IKZF3: variants seen among roughly 807,000 people sequenced by gnomAD.
IKZF3 encodes the protein zinc finger protein Aiolos.
A neutral mutation model predicts 49.0 loss-of-function variants in IKZF3; 10 were observed. That is an observed-to-expected ratio of 0.20 (90% CI 0.13 to 0.35). IKZF3 has a LOEUF of 0.35. Ranked by LOEUF, IKZF3 falls within the 10% of genes least tolerant of loss-of-function variation. IKZF3 has a pLI of 1.00. For synonymous variants in IKZF3, 209 were observed against 228.2 expected (o/e 0.92, Z 0.76); for missense variants, 498 against 664.8 (o/e 0.75, Z 2.76).
intron 1 of IKZF3, among the ~76,000 whole-genome samples, chr17:39,856,068 GTA>G (rs2063043308): frequency 6.8e-6 from 1 of 147,866 alleles, no homozygotes; most frequent in Non-Finnish European, 1.5e-5. Context: ...AATATAACAT[GTA>G]TATTGTATAT....
At chr17:39,771,040 T>A (rs576807849) in intron 7 of IKZF3, among the ~76,000 whole-genome samples, 34 of 152,274 alleles carry the variant, frequency 2.2e-4, no homozygotes, top group African/African-American at 8.2e-4. Context: ...GCACAAACAG[T>A]TTGATTCACT....
At chr17:39,826,723 G>A (rs2061966039) in intron 3 of IKZF3, among the ~76,000 whole-genome samples, 1 of 152,200 alleles carries the variant, frequency 6.6e-6, no homozygotes, top group Admixed American at 6.5e-5. Flanking sequence ...GTATCACAGT[G>A]TGCGTGTTTG....
At chr17:39,781,002 AG>A (rs776671508) in intron 6 of IKZF3, among the ~76,000 whole-genome samples, 5 of 152,216 alleles carry the variant, frequency 3.3e-5, no homozygotes, top group Admixed American at 6.5e-5. Flanking sequence ...GAAAACAGTA[AG>A]GGTCAGAATA....
rs952358062 is a variant in IKZF3, at chr17:39,758,021, G to A, written c.*7769C>T. On this transcript the variant is annotated 3_prime_UTR_variant, in exon 8 of 8. Transcript: ENST00000346872. Reference sequence around the variant, plus strand: ...GAGCACAGGCTGTGTCAAAACCCAGGGCAAGGGCTCCCTCCCGCCTTCCCT... The same window carrying A: ...GAGCACAGGCTGTGTCAAAACCCAGAGCAAGGGCTCCCTCCCGCCTTCCCT... 7 of 152,134 alleles carry A rather than the reference G, an allele frequency of 4.6e-5. No individual in the cohort carries two copies. The highest frequency in any genetic ancestry group is 1.0e-4 in the Non-Finnish European group (7 of 68,020). The allele number at this position is 152,134 out of a possible 1,614,324, so 9.4% of individuals were successfully genotyped here.
intron 7 of IKZF3, among the ~76,000 whole-genome samples, chr17:39,771,152 A>G (rs2060430641): frequency 6.6e-6 from 1 of 152,180 alleles, no homozygotes; most frequent in Admixed American, 6.5e-5. Flanking sequence ...CCTGGCTGCT[A>G]CCTTGCCCAT....
chr17:39,776,409 TG>T (rs1305023328), intron 7 of IKZF3, among the ~76,000 whole-genome samples: 1 of 152,244 alleles, frequency 6.6e-6, no homozygotes, highest in Non-Finnish European at 1.5e-5. Context: ...ATTTGTTTAC[TG>T]TGCCTAAACT....
At chr17:39,794,168 C>T (rs1325793336) in intron 3 of IKZF3, among the ~76,000 whole-genome samples, 2 of 152,114 alleles carry the variant, frequency 1.3e-5, no homozygotes, top group African/African-American at 2.4e-5. Context: ...GGTCATTTGT[C>T]GAAGGTTACA....
chr17:39,834,678 T>C (rs1390375619), intron 1 of IKZF3, among the ~76,000 whole-genome samples: 2 of 152,216 alleles, frequency 1.3e-5, no homozygotes, highest in East Asian at 1.9e-4. Context: ...TTGAGACATA[T>C]GTATGTTCTG....
intron 3 of IKZF3, among the ~76,000 whole-genome samples, chr17:39,825,724 T>G (rs192523759): frequency 4.6e-5 from 7 of 152,318 alleles, no homozygotes; most frequent in African/African-American, 1.4e-4. Flanking sequence ...TATTGAATAT[T>G]AATTGAAATT....
chr17:39,819,773 G>C (rs2061759440), intron 3 of IKZF3, among the ~76,000 whole-genome samples: 1 of 152,004 alleles, frequency 6.6e-6, no homozygotes, highest in African/African-American at 2.4e-5. Flanking sequence ...GGGCTCAAGT[G>C]ATCCTCCCAC....
At chr17:39,845,178 G>A (rs2062593775) in intron 1 of IKZF3, among the ~76,000 whole-genome samples, 1 of 152,122 alleles carries the variant, frequency 6.6e-6, no homozygotes, top group East Asian at 1.9e-4. Flanking sequence ...AAAATCAGAA[G>A]AATACACTTG....
intron 7 of IKZF3, among the ~76,000 whole-genome samples, chr17:39,768,141 A>G (rs2060340886): frequency 6.6e-6 from 1 of 152,168 alleles, no homozygotes; most frequent in Non-Finnish European, 1.5e-5. Context: ...TAGGCAGGGA[A>G]GTAACGTGTT....
intron 3 of IKZF3, among the ~76,000 whole-genome samples, chr17:39,812,650 C>T (rs963436487): frequency 1.3e-5 from 2 of 152,172 alleles, no homozygotes; most frequent in South Asian, 2.1e-4. Flanking sequence ...CACAATGGCT[C>T]GGGTCACCGT....
Position 39,765,550 on chromosome 17 carries a change from T to C in IKZF3, c.*240A>G. ...CCAAATACCTTTTTGGCTTTTAAAT[T>C]CCATAAAATTCAAGTCCCTGATGGG... is the stretch of plus-strand genomic sequence containing the variant. On this transcript the variant is annotated 3_prime_UTR_variant, in exon 8 of 8. Coordinates refer to ENST00000346872, the MANE Select transcript of IKZF3 (RefSeq NM_012481.5). The C allele has an allele frequency of 2.0e-5, 9 of 454,518 alleles. No homozygotes were observed. Among genetic ancestry groups the C allele is most frequent in the Non-Finnish European group, 3.5e-5 (9 of 255,178 alleles). 28.2% of individuals were successfully genotyped at this position (454,518 alleles called of 1,614,324 possible).
intron 7 of IKZF3, among the ~76,000 whole-genome samples, chr17:39,769,198 A>G (rs2060373032): frequency 6.6e-6 from 1 of 152,220 alleles, no homozygotes; most frequent in Non-Finnish European, 1.5e-5. Context: ...CGAATGGCCC[A>G]CTGTAGGGTG....
rs141957187 is a variant in IKZF3, at chr17:39,795,887, C to T, written c.164-2954G>A. On this transcript the variant is annotated intron_variant, in intron 3 of 7. Transcript: ENST00000346872. ...GGTCAACATAGCAAAACCCCGTCTC[C>T]ACTAAAAATATAGAAAATTAGCTGG... 9.8e-4 allele frequency among the ~76,000 whole-genome samples: 148 copies of T among 151,238 alleles called. 2 individuals are homozygous for T. Among genetic ancestry groups the T allele is most frequent in the African/African-American group, 3.4e-3 (139 of 41,252 alleles).
At position 39,775,153 on chromosome 17, in the gene IKZF3, C is replaced by A. The variant is rs544462909; in HGVS notation, c.826+2498G>T. Among the ~76,000 whole-genome samples, 5 of 151,492 alleles carry A rather than the reference C, an allele frequency of 3.3e-5. No individual in the cohort carries two copies. The East Asian group carries it at 5.8e-4, about 18-fold the overall frequency. ...ACAGAGCTAGGATCAGAACCTGGGT[C>A]TTTTAGCTTCTAATCCAGTACTCTT... On this transcript the variant is annotated intron_variant, in intron 7 of 7. Coordinates refer to ENST00000346872, the MANE Select transcript of IKZF3 (RefSeq NM_012481.5).
intron 6 of IKZF3, among the ~76,000 whole-genome samples, chr17:39,780,552 C>G (rs1219622536): frequency 6.6e-6 from 1 of 152,194 alleles, no homozygotes; most frequent in East Asian, 1.9e-4. Context: ...AATTATTAGT[C>G]TCAATATATT....
chr17:39,858,213 C>G (rs1443729002), intron 1 of IKZF3, among the ~76,000 whole-genome samples: 1 of 151,992 alleles, frequency 6.6e-6, no homozygotes, highest in African/African-American at 2.4e-5. Context: ...AATCCTAGCA[C>G]TTTGGGAGGC....
Sources: gnomAD v4.1 joint callset for allele counts (sites outside exome capture counted in the v4.1 genomes callset) on GRCh38, gnomAD v4.1.1 for gene constraint, MANE v1.5 for transcripts, NCBI Gene and HGNC (gene_info 2026-07-23, HGNC 2026-07-21) for gene names.